The following EMCN variants were observed in gnomAD, a reference collection of about 807,000 sequenced individuals.
EMCN encodes endomucin.
EMCN carries 37 observed loss-of-function variants against 38.4 expected under a neutral mutation model. That is an observed-to-expected ratio of 0.96 (90% CI 0.74 to 1.27). The LOEUF (loss-of-function observed/expected upper bound fraction) is 1.27. Among genes scored for constraint, EMCN ranks in the 50% most tolerant of loss-of-function variants. The pLI, the probability that EMCN is intolerant of heterozygous loss-of-function variation, is 0.00. For synonymous variants in EMCN, 95 were observed against 100.8 expected (o/e 0.94, Z 0.35); for missense variants, 318 against 302.8 (o/e 1.05, Z -0.37).
intron 5 of EMCN, among the ~76,000 whole-genome samples, chr4:100,428,664 T>G (rs1162734997): frequency 2.0e-5 from 3 of 152,202 alleles, no homozygotes; most frequent in Non-Finnish European, 1.5e-5. Context: ...AATTGACTAC[T>G]GTGAAAGATG....
At chr4:100,438,656 G>T (rs1727422762) in intron 5 of EMCN, among the ~76,000 whole-genome samples, 1 of 151,922 alleles carries the variant, frequency 6.6e-6, no homozygotes, top group African/African-American at 2.4e-5. Flanking sequence ...TCCTTACCTA[G>T]TACTGGATCT....
chr4:100,479,831 C>A (rs1027756749), intron 2 of EMCN, 86 bp downstream of exon 2: 1 of 1,115,540 alleles, frequency 9.0e-7, no homozygotes, highest in Non-Finnish European at 1.2e-6. Context: ...TATAAGATCC[C>A]GAATTATTTT....
intron 7 of EMCN, among the ~76,000 whole-genome samples, chr4:100,422,004 G>GCCTTCCTT (rs560297457): frequency 5.3e-5 from 8 of 151,494 alleles, no homozygotes; most frequent in African/African-American, 1.7e-4. Flanking sequence ...AGTATTGCCT[G>GCCTTCCTT]CCTTCCTTCC....
intron 5 of EMCN, among the ~76,000 whole-genome samples, chr4:100,425,379 G>A (rs1462265470): frequency 6.6e-6 from 1 of 151,044 alleles, no homozygotes; most frequent in East Asian, 2.0e-4. Context: ...TTTTTGTTGA[G>A]ACTGTATTAT....
At chr4:100,481,150 G>C (rs1728795256) in intron 1 of EMCN, among the ~76,000 whole-genome samples, 1 of 152,092 alleles carries the variant, frequency 6.6e-6, no homozygotes, top group South Asian at 2.1e-4. Flanking sequence ...TGTTAGTTAA[G>C]AGGATGGACT....
At chr4:100,495,608 G>T (rs1729188149) in intron 1 of EMCN, among the ~76,000 whole-genome samples, 1 of 151,990 alleles carries the variant, frequency 6.6e-6, no homozygotes, top group Non-Finnish European at 1.5e-5. Flanking sequence ...GATATAAATA[G>T]GAGAAAACCA....
At chr4:100,469,269 A>T (rs955489780) in intron 3 of EMCN, among the ~76,000 whole-genome samples, 1 of 152,122 alleles carries the variant, frequency 6.6e-6, no homozygotes, top group Non-Finnish European at 1.5e-5. Flanking sequence ...AATATCTGAA[A>T]TCATAAACCT....
intron 1 of EMCN, among the ~76,000 whole-genome samples, chr4:100,508,405 G>A (rs1420936950): frequency 6.6e-6 from 1 of 152,042 alleles, no homozygotes; most frequent in African/African-American, 2.4e-5. Context: ...TTTCTTTTAT[G>A]TAATATTCTA....
intron 5 of EMCN, among the ~76,000 whole-genome samples, chr4:100,434,804 G>A (rs1727303862): frequency 6.6e-6 from 1 of 152,050 alleles, no homozygotes; most frequent in South Asian, 2.1e-4. Flanking sequence ...ATGCAGAAAA[G>A]GCCTTCAATA....
At chr4:100,504,710 C>T (rs1222845806) in intron 1 of EMCN, among the ~76,000 whole-genome samples, 1 of 152,206 alleles carries the variant, frequency 6.6e-6, no homozygotes, top group Non-Finnish European at 1.5e-5. Flanking sequence ...CGCCTTTTGC[C>T]AAGCGGACCA....
At chr4:100,406,190 T>C (rs1000268908) in intron 11 of EMCN, among the ~76,000 whole-genome samples, 2 of 152,044 alleles carry the variant, frequency 1.3e-5, no homozygotes, top group Non-Finnish European at 1.5e-5. Context: ...AGGCAAACTT[T>C]TGGTTTTGTT....
At chr4:100,446,601 A>G (rs1560618330) in intron 5 of EMCN, among the ~76,000 whole-genome samples, 2 of 151,970 alleles carry the variant, frequency 1.3e-5, no homozygotes, top group African/African-American at 2.4e-5. Flanking sequence ...TTAAACTTTA[A>G]TTTTAGTCTC....
intron 4 of EMCN, among the ~76,000 whole-genome samples, chr4:100,458,065 G>A (rs1179980249): frequency 2.6e-5 from 4 of 151,828 alleles, no homozygotes; most frequent in African/African-American, 4.8e-5. Flanking sequence ...GCAGTGAGCC[G>A]AGATTGTGCC....
intron 5 of EMCN, among the ~76,000 whole-genome samples, chr4:100,446,932 T>G (rs1727688148): frequency 6.6e-6 from 1 of 152,210 alleles, no homozygotes; most frequent in Non-Finnish European, 1.5e-5. Context: ...ATTTGTCATT[T>G]GTATAAGTAC....
In EMCN at chr4:100,420,449, A is replaced by G. The variant is rs1459318060; in HGVS notation, c.664+833T>C. Among the ~76,000 whole-genome samples, 4 of 152,120 alleles carry G rather than the reference A, an allele frequency of 2.6e-5. No homozygotes were observed. The East Asian group carries it at 7.7e-4, about 29-fold the overall frequency. ...TATTCCAGAAGGAATAGTATGGATGAGGGCATGGATACATGCTACTACATT... is the reference window on the plus strand; with the variant it reads ...TATTCCAGAAGGAATAGTATGGATGGGGGCATGGATACATGCTACTACATT... On this transcript the variant is annotated intron_variant, in intron 8 of 11. Coordinates refer to ENST00000296420, the MANE Select transcript of EMCN (RefSeq NM_016242.4).
chr4:100,514,310 GTC>G (rs921753678), intron 1 of EMCN, among the ~76,000 whole-genome samples: 10 of 151,886 alleles, frequency 6.6e-5, no homozygotes, highest in African/African-American at 2.4e-4. Context: ...AAAAAACTCT[GTC>G]TCTGCATTTC....
intron 1 of EMCN, among the ~76,000 whole-genome samples, chr4:100,505,172 T>C (rs1247239849): frequency 6.6e-6 from 1 of 152,180 alleles, no homozygotes; most frequent in Non-Finnish European, 1.5e-5. Flanking sequence ...TTGTATCCAG[T>C]AAATATCAGT....
At chr4:100,516,489 T>C (rs1188295911) in intron 1 of EMCN, among the ~76,000 whole-genome samples, 2 of 152,078 alleles carry the variant, frequency 1.3e-5, no homozygotes, top group Non-Finnish European at 2.9e-5. Context: ...CCTATCAATC[T>C]TCCCCAAGCA....
chr4:100,440,837 G>A lies in EMCN; in HGVS notation c.415+6696C>T, dbSNP rs139834291. 1.0e-3 allele frequency among the ~76,000 whole-genome samples: 155 copies of A among 152,134 alleles called. 1 individual carries two copies. Among genetic ancestry groups the A allele is most frequent in the African/African-American group, 3.7e-3 (152 of 41,514 alleles). ...CGTTGTTAAAAGTGGGGTAATACCAGCACTTTGGGAGGCCAAGGCAGGCAG... is the reference window on the plus strand; with the variant it reads ...CGTTGTTAAAAGTGGGGTAATACCAACACTTTGGGAGGCCAAGGCAGGCAG... On this transcript the variant is annotated intron_variant, in intron 5 of 11. Transcript: ENST00000296420.
Sources: gnomAD v4.1 joint callset for allele counts (sites outside exome capture counted in the v4.1 genomes callset) on GRCh38, gnomAD v4.1.1 for gene constraint, MANE v1.5 for transcripts, NCBI Gene and HGNC (gene_info 2026-07-23, HGNC 2026-07-21) for gene names.